Variants in PITPNM3 observed in about 807,000 individuals in gnomAD.
The protein encoded by PITPNM3 is PITPNM family member 3, also known as membrane-associated phosphatidylinositol transfer protein 3.
In PITPNM3, 26 loss-of-function variants were observed where a neutral mutation model predicts 102.0. That is an observed-to-expected ratio of 0.25 (90% CI 0.19 to 0.35). The LOEUF (loss-of-function observed/expected upper bound fraction) is 0.35. Among genes scored for constraint, PITPNM3 ranks in the 10% least tolerant of loss-of-function variants. The pLI is 1.00. For missense variants in PITPNM3, 1,083 were observed against 1,346.1 expected, an observed-to-expected ratio of 0.80 and a Z score of 3.06; for synonymous variants, 578 against 558.6, an observed-to-expected ratio of 1.03 and a Z score of -0.49.
At chr17:6,479,153 G>A (rs775559028) in intron 6 of PITPNM3, 4 of 184,482 alleles carry the variant, frequency 2.2e-5, no homozygotes, top group Non-Finnish European at 4.6e-5. Context: ...CTCAAGAAAG[G>A]CTTTGGAGAA....
At position 6,455,058 on chromosome 17, in the gene PITPNM3, C is replaced by T. The variant is rs1406593567; in HGVS notation, c.*280G>A. ...GCTTCAGCCCCGGGCAAGCCTGCCC[C>T]CAGGATGACACAAACATGAACCCTG... is the stretch of plus-strand genomic sequence containing the variant. On this transcript the variant is annotated 3_prime_UTR_variant, in exon 20 of 20. Coordinates refer to ENST00000262483, the MANE Select transcript of PITPNM3 (RefSeq NM_031220.4). 6.2e-6 allele frequency: 3 copies of T among 487,230 alleles called. No homozygotes were observed. The highest frequency in any genetic ancestry group is 7.1e-6 in the Non-Finnish European group (2 of 279,770). 30.2% of individuals were successfully genotyped at this position (487,230 alleles called of 1,614,324 possible).
In PITPNM3 at chr17:6,457,567, C is replaced by T. The variant is rs1050784870; in HGVS notation, c.2619+27G>A. 6.2e-7 allele frequency: 1 copy of T among 1,611,774 alleles called. No individual in the cohort carries two copies. Among genetic ancestry groups the T allele is most frequent in the Non-Finnish European group, 8.5e-7 (1 of 1,179,488 alleles). ...CTTTCCCTGACCTCCCTCACAACTC[C>T]CCGCCTCCAGCCCCGCCTCCACCCA... On this transcript the variant is annotated intron_variant, in intron 19 of 19. Transcript: ENST00000262483. The surrounding 1 kb of genome is among the most constrained non-coding windows in gnomAD (Gnocchi z 4.7).
chr17:6,515,533 T>G (rs1283280740), intron 3 of PITPNM3, among the ~76,000 whole-genome samples: 1 of 152,048 alleles, frequency 6.6e-6, no homozygotes, highest in Non-Finnish European at 1.5e-5. Context: ...GGTTTTATGG[T>G]ATGGGAATTA....
chr17:6,472,705 G>C lies in PITPNM3; in HGVS notation c.1381C>G (p.Pro461Ala). The C allele has an allele frequency of 1.2e-6, 2 of 1,614,022 alleles. No individual in the cohort carries two copies. The highest frequency in any genetic ancestry group is 1.7e-6 in the Non-Finnish European group (2 of 1,179,978). ...KFHLVPPVSV[P>A]RYQRFPLGDG... ...CCCAGTGGGAACCTCTGGTAGCGAG[G>C]CACGCTGACAGGCGGCACCAGGTGG... Residue 461 changes from proline (P) to alanine (A), a missense_variant, in exon 11 of 20, where the codon CCT becomes GCT. Physicochemically the swap from Pro to Ala is conservative, Grantham distance 27 (BLOSUM62 -1). Coordinates refer to ENST00000262483, the MANE Select transcript of PITPNM3 (RefSeq NM_031220.4). The surrounding 1 kb of genome is among the most constrained non-coding windows in gnomAD (Gnocchi z 4.1).
chr17:6,462,531 C>T (rs1350933987), intron 17 of PITPNM3, among the ~76,000 whole-genome samples: 1 of 152,228 alleles, frequency 6.6e-6, no homozygotes, highest in African/African-American at 2.4e-5. Context: ...GACCCCCCTT[C>T]CTCCAGGAAG....
intron 3 of PITPNM3, among the ~76,000 whole-genome samples, chr17:6,516,842 C>T (rs925765602): frequency 6.6e-6 from 1 of 151,390 alleles, no homozygotes; most frequent in Non-Finnish European, 1.5e-5. Flanking sequence ...CCAGCCTGGG[C>T]AACATGTTGA....
intron 6 of PITPNM3, chr17:6,481,781 T>TAGATA (rs1567669967): frequency 6.8e-6 from 1 of 147,400 alleles, no homozygotes; most frequent in East Asian, 2.0e-4. Context: ...GATAGATAGA[T>TAGATA]AATGGATGGA....
intron 4 of PITPNM3, among the ~76,000 whole-genome samples, chr17:6,488,657 G>C (rs1364973674): frequency 6.6e-6 from 1 of 152,158 alleles, no homozygotes; most frequent in Non-Finnish European, 1.5e-5. Flanking sequence ...ACAGGAACTG[G>C]TACCTGGGAA....
chr17:6,511,742 G>A (rs1907875443), intron 3 of PITPNM3, among the ~76,000 whole-genome samples: 1 of 152,168 alleles, frequency 6.6e-6, no homozygotes, highest in Non-Finnish European at 1.5e-5. Flanking sequence ...CCAGCACTTA[G>A]GGAGGCCGAG....
At chr17:6,467,197 T>C (rs1397544697) in intron 14 of PITPNM3, among the ~76,000 whole-genome samples, 2 of 152,172 alleles carry the variant, frequency 1.3e-5, no homozygotes, top group Non-Finnish European at 2.9e-5. Context: ...AAGGAATTTC[T>C]GACACAGCGA....
chr17:6,488,280 G>T (rs1278685836), intron 4 of PITPNM3, among the ~76,000 whole-genome samples: 1 of 152,156 alleles, frequency 6.6e-6, no homozygotes, highest in African/African-American at 2.4e-5. Context: ...CTTTGCTCAT[G>T]CTGAGCCCTC....
chr17:6,496,865 C>T (rs186527205), intron 4 of PITPNM3, among the ~76,000 whole-genome samples: 3 of 152,278 alleles, frequency 2.0e-5, no homozygotes, highest in Admixed American at 2.0e-4. Context: ...GAGACGCACA[C>T]TCATCCTCAT....
chr17:6,457,681 G>C lies in PITPNM3; in HGVS notation c.2532C>G (p.Asp844Glu). 1.2e-6 allele frequency: 2 copies of C among 1,604,936 alleles called. No homozygotes were observed. Among genetic ancestry groups the C allele is most frequent in the Non-Finnish European group, 1.7e-6 (2 of 1,175,698 alleles). ...KISAAYGSTK[D>E]ISVYSVLGLP... ...GGCCCAGCACGCTGTAGACAGAGATGTCCTTCGTGGAGCCATAGGCCGCAC... is the reference window on the plus strand; with the variant it reads ...GGCCCAGCACGCTGTAGACAGAGATCTCCTTCGTGGAGCCATAGGCCGCAC... Residue 844 changes from aspartate to glutamate, a missense_variant, in exon 19 of 20, where the codon GAC becomes GAG. Asp to Glu is a conservative substitution (Grantham distance 45, BLOSUM62 2). This residue lies in a region of PITPNM3 where 410 missense variants were observed against 638.4 expected (regional missense o/e 0.64). Transcript: ENST00000262483. This position sits in a 1 kb window ranked among gnomAD's most constrained non-coding sequence, Gnocchi z 4.7.
intron 1 of PITPNM3, among the ~76,000 whole-genome samples, chr17:6,550,064 G>C (rs1285195205): frequency 6.6e-6 from 1 of 152,220 alleles, no homozygotes; most frequent in African/African-American, 2.4e-5. Context: ...GAAAGAGCCT[G>C]AAGCTCATCC....
At chr17:6,465,609 T>A (rs1177748170) in intron 14 of PITPNM3, among the ~76,000 whole-genome samples, 1 of 152,256 alleles carries the variant, frequency 6.6e-6, no homozygotes, top group African/African-American at 2.4e-5. Context: ...CTCGTGGCCA[T>A]CCTGGTTTCG....
chr17:6,532,041 G>A (rs928455845), intron 2 of PITPNM3, among the ~76,000 whole-genome samples: 8 of 152,060 alleles, frequency 5.3e-5, no homozygotes, highest in Admixed American at 2.0e-4. Flanking sequence ...GGGAGGCAGA[G>A]GTTGCAGTGA....
At position 6,468,922 on chromosome 17, in the gene PITPNM3, C is replaced by T. The variant is rs893659740; in HGVS notation, c.1774-581G>A. Among the ~76,000 whole-genome samples the T allele has an allele frequency of 6.6e-6, 1 of 152,130 alleles. No individual in the cohort carries two copies. The highest frequency in any genetic ancestry group is 2.4e-5 in the African/African-American group (1 of 41,420). The stretch of plus-strand genomic sequence containing the variant: ...TATGCTGTCACCCCTTCCTCACCTG[C>T]CCCCTCTCCTCCACCCACTCCAGTC... On this transcript the variant is annotated intron_variant, in intron 13 of 19. Transcript: ENST00000262483. This position sits in a 1 kb window ranked among gnomAD's most constrained non-coding sequence, Gnocchi z 5.2.
chr17:6,543,589 T>C (rs967377501), intron 1 of PITPNM3, among the ~76,000 whole-genome samples: 1 of 152,238 alleles, frequency 6.6e-6, no homozygotes, highest in African/African-American at 2.4e-5. Flanking sequence ...TTGGGCCAGA[T>C]GGTGCCAGGA....
rs2150724123 is a variant in PITPNM3, at chr17:6,470,400, T to C, written c.1633A>G (p.Lys545Glu). ...APVGASRITA[K>E]WWGSKRIDYA... ...TCGATCCTCTTGCTTCCCCACCACT[T>C]GGCTGTGACTGTGGGTCGGAGAGGA... Residue 545 changes from lysine to glutamate, a missense_variant, in exon 13 of 20, where the codon AAG becomes GAG. Physicochemically the swap from Lys to Glu is moderately conservative, Grantham distance 56 (BLOSUM62 1). Transcript: ENST00000262483. This position sits in a 1 kb window ranked among gnomAD's most constrained non-coding sequence, Gnocchi z 4.8. 6.2e-7 allele frequency: 1 copy of C among 1,614,078 alleles called. No individual in the cohort carries two copies. The highest frequency in any genetic ancestry group is 8.5e-7 in the Non-Finnish European group (1 of 1,180,004).
Sources: gnomAD v4.1 joint callset for allele counts (sites outside exome capture counted in the v4.1 genomes callset) on GRCh38, gnomAD v4.1.1 for gene constraint, gnomAD v4.1.1 regional missense constraint, Gnocchi (gnomAD v3.1) non-coding constraint, MANE v1.5 for transcripts, NCBI Gene and HGNC (gene_info 2026-07-23, HGNC 2026-07-21) for gene names.